Variants in CCDC15 observed in about 807,000 individuals in gnomAD.
CCDC15 encodes coiled-coil domain-containing protein 15.
CCDC15 carries 105 observed loss-of-function variants against 114.5 expected under a neutral mutation model. The observed-to-expected ratio is 0.92, with a 90% CI of 0.78 to 1.08. CCDC15 has a LOEUF of 1.08. Ranked by LOEUF, CCDC15 falls within the 50% of genes least tolerant of loss-of-function variation. CCDC15 has a pLI of 0.00. For missense variants in CCDC15, 1,105 were observed against 1,093.6 expected, an observed-to-expected ratio of 1.01 and a Z score of -0.15; for synonymous variants, 334 against 377.8, an observed-to-expected ratio of 0.88 and a Z score of 1.34.
chr11:124,974,398 C>T (rs750277063), intron 4 of CCDC15, among the ~76,000 whole-genome samples: 39 of 152,212 alleles, frequency 2.6e-4, no homozygotes, highest in Middle Eastern at 3.4e-3. Flanking sequence ...TCAAAATAGC[C>T]GCATACTGAA....
At chr11:124,965,311 A>G (rs1947755330) in intron 4 of CCDC15, among the ~76,000 whole-genome samples, 1 of 152,170 alleles carries the variant, frequency 6.6e-6, no homozygotes, top group African/African-American at 2.4e-5. Flanking sequence ...TATTGCCTCA[A>G]TTTCAGAGCC....
intron 13 of CCDC15, among the ~76,000 whole-genome samples, chr11:125,025,210 A>G (rs1591612716): frequency 6.7e-6 from 1 of 148,718 alleles, no homozygotes; most frequent in East Asian, 2.0e-4. Context: ...ATATATATAT[A>G]TGAAAGAAAT....
At chr11:125,038,743 T>C (rs1265809829) in intron 14 of CCDC15, 139 bp downstream of exon 14, 11 of 1,160,242 alleles carry the variant, frequency 9.5e-6, no homozygotes, top group Non-Finnish European at 1.3e-5. Context: ...TTCACCAAAT[T>C]TTTTGATTGC....
At chr11:124,954,602 C>A (rs775303611) in intron 1 of CCDC15, 122 bp from the exon 2 acceptor site, 7 of 720,992 alleles carry the variant, frequency 9.7e-6, no homozygotes, top group Non-Finnish European at 1.4e-5. Flanking sequence ...GTTTCCACTT[C>A]ATGCCAGGCT....
At chr11:124,959,728 A>G in intron 3 of CCDC15, 87 bp from the exon 4 acceptor site, 1 of 812,976 alleles carries the variant, frequency 1.2e-6, no homozygotes, top group Non-Finnish European at 1.6e-6. Context: ...ACCCCAATTT[A>G]AAATCTTCTG....
At chr11:124,981,882 C>T (rs369903566) in intron 6 of CCDC15, among the ~76,000 whole-genome samples, 13 of 152,246 alleles carry the variant, frequency 8.5e-5, no homozygotes, top group African/African-American at 2.2e-4. Context: ...CAGCTTCCCA[C>T]GGTGCTGGGA....
At position 124,977,557 on chromosome 11, in the gene CCDC15, G is replaced by T. The variant is rs1395105603; in HGVS notation, c.710G>T (p.Gly237Val). The T allele has an allele frequency of 6.2e-7, 1 of 1,609,162 alleles. No homozygotes were observed. Among genetic ancestry groups the T allele is most frequent in the Non-Finnish European group, 8.5e-7 (1 of 1,177,574 alleles). ...GAGTTGCCCATTAAGGTCCATCAAG[G>T]TCTTTTAGCTGCTGTACCTTACCAG... ...RGELPIKVHQ[G>V]LLAAVPYQNY... The change falls in exon 6 of 16, where the codon GGT (glycine) becomes GTT (valine). Residue 237 changes from glycine to valine, a missense_variant. Coordinates refer to ENST00000344762, the MANE Select transcript of CCDC15 (RefSeq NM_025004.3).
At chr11:124,971,274 G>A (rs1947876772) in intron 4 of CCDC15, among the ~76,000 whole-genome samples, 2 of 152,178 alleles carry the variant, frequency 1.3e-5, no homozygotes, top group Admixed American at 6.5e-5. Flanking sequence ...AACCCCATCT[G>A]TAGGTCACCA....
Position 125,005,153 on chromosome 11 carries a change from T to C in CCDC15, c.2352T>C (p.Ile784=). 1.3e-6 allele frequency: 2 copies of C among 1,574,098 alleles called. No homozygotes were observed. The highest frequency in any genetic ancestry group is 2.4e-5 in the South Asian group (2 of 85,080). Residue 784 remains isoleucine (I), a synonymous_variant, in exon 13 of 16, where the codon ATT becomes ATC. Coordinates refer to ENST00000344762, the MANE Select transcript of CCDC15 (RefSeq NM_025004.3). ...GACATAGACGACTTTTCATGGATATTGAGAGAGAACAAGTTAAAGAACAAC... is the reference window on the plus strand; with the variant it reads ...GACATAGACGACTTTTCATGGATATCGAGAGAGAACAAGTTAAAGAACAAC... The part of the protein sequence containing the change: ...YLRHRRLFMD[I]EREQVKEQQR...
intron 6 of CCDC15, among the ~76,000 whole-genome samples, chr11:124,982,652 G>C (rs575768202): frequency 6.6e-6 from 1 of 152,172 alleles, no homozygotes; most frequent in Non-Finnish European, 1.5e-5. Context: ...CTGCCACCAG[G>C]TTTGCTGTTA....
In CCDC15 at chr11:124,991,484, C is replaced by G. The variant is rs370046483; in HGVS notation, c.1932C>G (p.Tyr644Ter). ...AGAAAGTACACTTTAAGGAGCCATACTCTGATATGACAGATGAGAAAGGGA... is the reference window on the plus strand; with the variant it reads ...AGAAAGTACACTTTAAGGAGCCATAGTCTGATATGACAGATGAGAAAGGGA... ...KYQKVHFKEP[Y>*]SDMTDEKGRE... Residue 644 changes from tyrosine to a stop codon, truncating the protein, a stop_gained, in exon 9 of 16, where the codon TAC becomes TAG. Coordinates refer to ENST00000344762, the MANE Select transcript of CCDC15 (RefSeq NM_025004.3). LOFTEE classifies it high-confidence loss of function. 100 of 1,591,674 alleles carry G rather than the reference C, an allele frequency of 6.3e-5. No homozygotes were observed. In the African/African-American group the frequency reaches 1.0e-3, roughly 16 times the overall value.
chr11:124,967,643 A>G lies in CCDC15; in HGVS notation c.517-7453A>G, dbSNP rs547339057. On this transcript the variant is annotated intron_variant, in intron 4 of 15. Transcript: ENST00000344762. ...TGAAGCCTACTTCTGCCAACTAGTCAAAGTCATTCTCCATCCAGCTTTGTT... is the reference window on the plus strand; with the variant it reads ...TGAAGCCTACTTCTGCCAACTAGTCGAAGTCATTCTCCATCCAGCTTTGTT... 7.9e-5 allele frequency among the ~76,000 whole-genome samples: 12 copies of G among 152,300 alleles called. No individual in the cohort carries two copies. In the South Asian group the frequency reaches 1.5e-3, roughly 18 times the overall value.
At chr11:125,010,863 T>G (rs1948586617) in intron 13 of CCDC15, among the ~76,000 whole-genome samples, 1 of 152,230 alleles carries the variant, frequency 6.6e-6, no homozygotes, top group Admixed American at 6.5e-5. Flanking sequence ...ATAAATTTTT[T>G]GCCAAAGCTG....
chr11:124,983,545 G>A (rs1041038104), intron 6 of CCDC15, among the ~76,000 whole-genome samples: 1 of 151,986 alleles, frequency 6.6e-6, no homozygotes, highest in Non-Finnish European at 1.5e-5. Context: ...GATTTTAGGG[G>A]CCAGAACTCA....
chr11:125,040,563 C>T (rs1591617834), intron 15 of CCDC15, 27 bp from the exon 16 acceptor site: 1 of 1,578,072 alleles, frequency 6.3e-7, no homozygotes, highest in Non-Finnish European at 8.6e-7. Context: ...TGACTTTATT[C>T]ATTGCTGTGC....
At chr11:125,012,300 G>T (rs944664025) in intron 13 of CCDC15, among the ~76,000 whole-genome samples, 8 of 152,222 alleles carry the variant, frequency 5.3e-5, no homozygotes, top group African/African-American at 1.4e-4. Context: ...TATTAAAAAT[G>T]TGGGTCTCAT....
chr11:125,015,961 A>G (rs1161455559), intron 13 of CCDC15, among the ~76,000 whole-genome samples: 1 of 152,218 alleles, frequency 6.6e-6, no homozygotes, highest in Non-Finnish European at 1.5e-5. Context: ...CTATGGACCA[A>G]ATGGAAACAA....
At chr11:124,980,698 T>C (rs1281372108) in intron 6 of CCDC15, among the ~76,000 whole-genome samples, 2 of 152,176 alleles carry the variant, frequency 1.3e-5, no homozygotes, top group Non-Finnish European at 2.9e-5. Flanking sequence ...TCTTATTAAT[T>C]CTTTCAAAAG....
rs1023188055 is a variant in CCDC15 at position 124,977,583 on chromosome 11, A to G, written c.736A>G (p.Asn246Asp). 1.9e-6 allele frequency: 3 copies of G among 1,603,234 alleles called. No homozygotes were observed. The highest frequency in any genetic ancestry group is 2.6e-6 in the Non-Finnish European group (3 of 1,175,316). The change falls in exon 6 of 16, where the codon AAT becomes GAT. Residue 246 changes from asparagine (N) to aspartate (D), a missense_variant. By Grantham distance (23) the Asn-to-Asp change is conservative. Coordinates refer to ENST00000344762, the MANE Select transcript of CCDC15 (RefSeq NM_025004.3). ...TCTTTTAGCTGCTGTACCTTACCAG[A>G]ATTATATGGAAAATCAGGTAGGGAA... ...QGLLAAVPYQ[N>D]YMENQELDYE...
Sources: allele counts gnomAD v4.1 joint callset (sites outside exome capture counted in the v4.1 genomes callset), GRCh38; gene constraint gnomAD v4.1.1; transcripts MANE v1.5; gene names NCBI Gene and HGNC (gene_info 2026-07-23, HGNC 2026-07-21).